MYZAP: variants seen among roughly 807,000 people sequenced by gnomAD.
MYZAP encodes myocardial zonula adherens protein, also known as GRINL1A complex locus upstream.
A neutral mutation model predicts 69.4 loss-of-function variants in MYZAP; 66 were observed. The ratio of observed to expected loss-of-function variants is 0.95; its 90% CI spans 0.78 to 1.17. The LOEUF (loss-of-function observed/expected upper bound fraction) is 1.17, where lower values mean the gene tolerates loss of function less well. Among genes scored for constraint, MYZAP ranks in the 50% most tolerant of loss-of-function variants. The pLI is 0.00. For synonymous variants in MYZAP, 256 were observed against 205.9 expected, an observed-to-expected ratio of 1.24 and a Z score of -2.09; for missense variants, 611 against 556.2, an observed-to-expected ratio of 1.10 and a Z score of -0.99.
chr15:57,611,326 G>A (rs1347542528), intron 2 of MYZAP, among the ~76,000 whole-genome samples: 1 of 152,178 alleles, frequency 6.6e-6, no homozygotes, highest in Non-Finnish European at 1.5e-5. Context: ...TGACTTGCGT[G>A]CCTTCTCCTA....
intron 10 of MYZAP, among the ~76,000 whole-genome samples, chr15:57,645,261 G>T (rs2037383231): frequency 6.6e-6 from 1 of 152,206 alleles, no homozygotes; most frequent in Non-Finnish European, 1.5e-5. Flanking sequence ...TAATGCAGCA[G>T]TTCCTTGGGG....
chr15:57,647,607 T>C (rs1007774783), intron 10 of MYZAP: 13 of 985,328 alleles, frequency 1.3e-5, no homozygotes, highest in Non-Finnish European at 1.6e-5. Context: ...GTTTCTTTTC[T>C]CTTTTGGGCT....
chr15:57,626,517 T>G (rs1330676293), intron 5 of MYZAP, among the ~76,000 whole-genome samples: 3 of 152,222 alleles, frequency 2.0e-5, no homozygotes, highest in Non-Finnish European at 2.9e-5. Flanking sequence ...TTCCCATTCT[T>G]ACTCTTACAA....
intron 6 of MYZAP, among the ~76,000 whole-genome samples, chr15:57,630,917 A>G (rs2036462797): frequency 6.6e-6 from 1 of 152,122 alleles, no homozygotes; most frequent in Non-Finnish European, 1.5e-5. Context: ...CAAACTGGGA[A>G]GTGTGGGCCC....
intron 2 of MYZAP, among the ~76,000 whole-genome samples, chr15:57,616,822 CTTTTTTTTTTT>C (rs763856721): frequency 4.4e-4 from 22 of 50,058 alleles, no homozygotes; most frequent in East Asian, 9.7e-4. Context: ...AAAAAAAGTG[CTTTTTTTTTTT>C]TTTTTTTTTT....
chr15:57,652,593 T>G (rs1264631505), intron 10 of MYZAP, among the ~76,000 whole-genome samples: 1 of 152,146 alleles, frequency 6.6e-6, no homozygotes, highest in Non-Finnish European at 1.5e-5. Flanking sequence ...AGTGGGTATG[T>G]GGGGACCAGA....
intron 11 of MYZAP, among the ~76,000 whole-genome samples, chr15:57,668,794 T>C (rs1290558777): frequency 1.3e-5 from 2 of 151,818 alleles, no homozygotes; most frequent in African/African-American, 4.8e-5. Flanking sequence ...ATTCGAGTCC[T>C]TTGTCAGATG....
intron 10 of MYZAP, among the ~76,000 whole-genome samples, chr15:57,644,940 G>A (rs2037365322): frequency 6.6e-6 from 1 of 152,192 alleles, no homozygotes; most frequent in East Asian, 1.9e-4. Flanking sequence ...GTCCTTGAAA[G>A]CTGGACTACC....
Position 57,608,376 on chromosome 15 carries a change from A to T in MYZAP, c.162+4021A>T, listed in dbSNP as rs566462151. ...GTGTTGTGGATGGCGTATTTTGCCC[A>T]TTTCCACAAAGGTGTGTTTGGAGGC... On this transcript the variant is annotated intron_variant, in intron 2 of 12. Coordinates refer to ENST00000267853, the MANE Select transcript of MYZAP (RefSeq NM_001018100.5). Among the ~76,000 whole-genome samples, 10 of 152,260 alleles carry T rather than the reference A, an allele frequency of 6.6e-5. 1 individual carries two copies. Among genetic ancestry groups the T allele is most frequent in the Middle Eastern group, 3.4e-3 (1 of 294 alleles).
chr15:57,617,938 A>T, intron 2 of MYZAP, 95 bp from the exon 3 acceptor site: 1 of 1,459,424 alleles, frequency 6.9e-7, no homozygotes, highest in Non-Finnish European at 9.1e-7. Context: ...TGCTGGGCAC[A>T]ATTTGCATAA....
At chr15:57,679,376 T>TGTGTGTGTGTGTGTGTGTGTG (rs57864057) in intron 12 of MYZAP, among the ~76,000 whole-genome samples, 1 of 135,792 alleles carries the variant, frequency 7.4e-6, no homozygotes, top group Non-Finnish European at 1.5e-5. Flanking sequence ...GTGTGTGTGT[T>TGTGTGTGTGTGTGTGTGTGTG]TCTCTCTCTC....
At chr15:57,646,068 TG>T in intron 10 of MYZAP, 3 of 974,004 alleles carry the variant, frequency 3.1e-6, no homozygotes, top group Non-Finnish European at 4.3e-6. Flanking sequence ...ATTAGCCAAA[TG>T]GGGGTAGGGG....
At chr15:57,674,070 A>G (rs2140625360) in intron 11 of MYZAP, among the ~76,000 whole-genome samples, 1 of 152,368 alleles carries the variant, frequency 6.6e-6, no homozygotes, top group East Asian at 1.9e-4. Context: ...AATATATAGA[A>G]GCACTTTTTA....
At chr15:57,671,819 G>A (rs1409510946) in intron 11 of MYZAP, among the ~76,000 whole-genome samples, 1 of 152,046 alleles carries the variant, frequency 6.6e-6, no homozygotes, top group Admixed American at 6.6e-5. Flanking sequence ...TATGATGGCT[G>A]CATTAAAGTC....
At chr15:57,645,988 C>A (rs1261344967) in intron 10 of MYZAP, 3 of 350,158 alleles carry the variant, frequency 8.6e-6, no homozygotes, top group Non-Finnish European at 1.7e-5. Context: ...CTGAAATGTG[C>A]AACACACGAA....
At position 57,674,985 on chromosome 15, in the gene MYZAP, C is replaced by T; in HGVS notation, c.1221C>T (p.Ser407=). 1.2e-6 allele frequency: 2 copies of T among 1,613,030 alleles called. No individual in the cohort carries two copies. Among genetic ancestry groups the T allele is most frequent in the Non-Finnish European group, 1.7e-6 (2 of 1,179,390 alleles). ...ATCTCCAGAATAATGAACTACAAAG[C>T]AGGTTGGACTATTTAACAGAAACCC... ...FLEGENNELQ[S]RLDYLTETQA... Residue 407 remains serine, a synonymous_variant, in exon 12 of 13, where the codon AGC becomes AGT. Transcript: ENST00000267853.
intron 1 of MYZAP, among the ~76,000 whole-genome samples, chr15:57,596,663 G>C (rs1281351119): frequency 1.3e-5 from 2 of 152,176 alleles, no homozygotes; most frequent in African/African-American, 4.8e-5. Context: ...CCAGGAAAAA[G>C]TTCACACTCC....
chr15:57,660,513 C>T (rs1026083067), intron 10 of MYZAP, among the ~76,000 whole-genome samples: 4 of 152,130 alleles, frequency 2.6e-5, no homozygotes, highest in African/African-American at 9.7e-5. Flanking sequence ...CAGGGTCTCA[C>T]TATGTTGCCC....
intron 10 of MYZAP, among the ~76,000 whole-genome samples, chr15:57,653,533 T>TAAA (rs2037831815): frequency 6.6e-6 from 1 of 152,232 alleles, no homozygotes; most frequent in South Asian, 2.1e-4. Context: ...ATTTTCCTTA[T>TAAA]AAGATTTAAA....
Sources: gnomAD v4.1 joint callset for allele counts (sites outside exome capture counted in the v4.1 genomes callset) on GRCh38, gnomAD v4.1.1 for gene constraint, MANE v1.5 for transcripts, NCBI Gene and HGNC (gene_info 2026-07-23, HGNC 2026-07-21) for gene names.